Variants in NCOA1 observed in about 807,000 individuals in gnomAD.
NCOA1 encodes the protein nuclear receptor coactivator 1, also known as Hin-2 protein.
In NCOA1, 35 loss-of-function variants were observed where a neutral mutation model predicts 150.9. The ratio of observed to expected loss-of-function variants is 0.23; its 90% CI spans 0.18 to 0.31. The LOEUF is 0.31. Ranked by LOEUF, NCOA1 falls within the 10% of genes least tolerant of loss-of-function variation. NCOA1 has a pLI of 1.00. For synonymous variants in NCOA1, 590 were observed against 630.0 expected, an observed-to-expected ratio of 0.94 and a Z score of 0.95; for missense variants, 1,491 against 1,749.3, an observed-to-expected ratio of 0.85 and a Z score of 2.63.
chr2:24,521,257 G>A (rs80100717), intron 1 of NCOA1, among the ~76,000 whole-genome samples: 3,335 of 152,246 alleles, frequency 0.022, 58 homozygotes, highest in East Asian at 0.11. Context: ...TTTTTGTGGT[G>A]AGAATTGTCT....
At chr2:24,596,594 T>G (rs1389288980) in intron 3 of NCOA1, among the ~76,000 whole-genome samples, 3 of 152,190 alleles carry the variant, frequency 2.0e-5, no homozygotes, top group African/African-American at 4.8e-5. Context: ...TGTTTTAATT[T>G]AGAGGTTATG....
intron 6 of NCOA1, among the ~76,000 whole-genome samples, chr2:24,667,334 A>G (rs1390318521): frequency 2.6e-5 from 4 of 152,088 alleles, no homozygotes; most frequent in South Asian, 2.1e-4. Context: ...CAGTCGGAAG[A>G]TGAAGTCATG....
intron 3 of NCOA1, among the ~76,000 whole-genome samples, chr2:24,643,721 A>G (rs868843019): frequency 6.6e-6 from 1 of 152,210 alleles, no homozygotes; most frequent in South Asian, 2.1e-4. Flanking sequence ...AGAAGTTTAC[A>G]GATAGATGCA....
At chr2:24,732,917 GAAAA>G (rs903600740) in intron 17 of NCOA1, among the ~76,000 whole-genome samples, 1 of 144,182 alleles carries the variant, frequency 6.9e-6, no homozygotes, top group African/African-American at 2.6e-5. Flanking sequence ...GCCAAAAAAA[GAAAA>G]AAAGGAACAA....
chr2:24,524,433 A>G (rs1305965907), intron 1 of NCOA1, among the ~76,000 whole-genome samples: 2 of 152,040 alleles, frequency 1.3e-5, no homozygotes, highest in Admixed American at 6.6e-5. Flanking sequence ...AGCTGGGACT[A>G]CAGATGTGTA....
intron 9 of NCOA1, among the ~76,000 whole-genome samples, chr2:24,692,066 A>C (rs1672689971): frequency 6.6e-6 from 1 of 151,344 alleles, no homozygotes; most frequent in South Asian, 2.1e-4. Flanking sequence ...GGCATTTTTC[A>C]GGCTATACAA....
intron 3 of NCOA1, among the ~76,000 whole-genome samples, chr2:24,640,781 G>C (rs145218964): frequency 2.0e-5 from 3 of 152,172 alleles, no homozygotes; most frequent in Admixed American, 2.0e-4. Flanking sequence ...TATGTTTGCT[G>C]TTCGTGTAAT....
chr2:24,649,173 C>G (rs1000472496), intron 4 of NCOA1, among the ~76,000 whole-genome samples: 18 of 152,192 alleles, frequency 1.2e-4, no homozygotes, highest in Admixed American at 3.3e-4. Context: ...AAACAATTCT[C>G]CCACCTCAGA....
chr2:24,502,420 T>G (rs12328668), intron 1 of NCOA1, among the ~76,000 whole-genome samples: 4,955 of 152,310 alleles, frequency 0.033, 100 homozygotes, highest in African/African-American at 0.058. Flanking sequence ...AACAATTAAT[T>G]AATTGGTCAA....
intron 3 of NCOA1, among the ~76,000 whole-genome samples, chr2:24,616,519 G>T (rs1479704259): frequency 6.6e-6 from 1 of 152,142 alleles, no homozygotes; most frequent in African/African-American, 2.4e-5. Flanking sequence ...GAAGGAAGAT[G>T]ATGTTGTAAT....
At chr2:24,693,671 ATTTAT>A (rs1286555292) in intron 10 of NCOA1, among the ~76,000 whole-genome samples, 2 of 152,194 alleles carry the variant, frequency 1.3e-5, no homozygotes, top group Admixed American at 1.3e-4. Flanking sequence ...ATATACATAC[ATTTAT>A]TTAAATAGAT....
At chr2:24,529,209 G>C (rs901073327) in intron 1 of NCOA1, among the ~76,000 whole-genome samples, 1 of 152,152 alleles carries the variant, frequency 6.6e-6, no homozygotes, top group Non-Finnish European at 1.5e-5. Flanking sequence ...TGAATTGTTA[G>C]AACAAATCAT....
At chr2:24,760,605 T>A (rs1664743092) in intron 21 of NCOA1, among the ~76,000 whole-genome samples, 1 of 152,190 alleles carries the variant, frequency 6.6e-6, no homozygotes, top group Non-Finnish European at 1.5e-5. Flanking sequence ...GTTGCTCCAC[T>A]ACAGTGTTGC....
intron 3 of NCOA1, among the ~76,000 whole-genome samples, chr2:24,638,679 TATC>T (rs1450258900): frequency 6.6e-6 from 1 of 152,194 alleles, no homozygotes; most frequent in African/African-American, 2.4e-5. Context: ...TGATAATAGC[TATC>T]ATCCTAACTG....
intron 8 of NCOA1, among the ~76,000 whole-genome samples, chr2:24,690,355 C>A (rs1240406456): frequency 1.3e-5 from 2 of 151,778 alleles, no homozygotes; most frequent in Admixed American, 1.3e-4. Flanking sequence ...CGTTTGGGAA[C>A]AGTAAAAAAG....
At chr2:24,671,717 C>T (rs984117152) in intron 6 of NCOA1, among the ~76,000 whole-genome samples, 3 of 151,956 alleles carry the variant, frequency 2.0e-5, no homozygotes, top group African/African-American at 4.8e-5. Context: ...TGTGCCACCA[C>T]GCCCGGCTAA....
At chr2:24,590,877 A>G (rs542228858) in intron 3 of NCOA1, among the ~76,000 whole-genome samples, 1 of 152,148 alleles carries the variant, frequency 6.6e-6, no homozygotes, top group East Asian at 1.9e-4. Context: ...AACATACTGT[A>G]TTGTTTATTT....
Position 24,658,008 on chromosome 2 carries a change from AC to A in NCOA1, c.-17-651del, listed in dbSNP as rs1341994087. Reference sequence around the variant, plus strand: ...TGCTAACTGGTGCAACATGTGAGAGACCTGGCTGGTGTGCTAGGCGGAATGA... The same window carrying A: ...TGCTAACTGGTGCAACATGTGAGAGACTGGCTGGTGTGCTAGGCGGAATGA... On this transcript the variant is annotated intron_variant, in intron 4 of 22. Transcript: ENST00000348332. Among the ~76,000 whole-genome samples the A allele has an allele frequency of 5.9e-5, 9 of 152,240 alleles. No homozygotes were observed. The South Asian group carries it at 1.7e-3, about 28-fold the overall frequency.
intron 2 of NCOA1, among the ~76,000 whole-genome samples, chr2:24,582,883 G>T (rs1474614531): frequency 6.6e-6 from 1 of 152,094 alleles, no homozygotes; most frequent in Non-Finnish European, 1.5e-5. Flanking sequence ...AAATGGGGCT[G>T]GGAAAACTGG....
Sources: allele counts gnomAD v4.1 joint callset (sites outside exome capture counted in the v4.1 genomes callset), GRCh38; gene constraint gnomAD v4.1.1; transcripts MANE v1.5; gene names NCBI Gene and HGNC (gene_info 2026-07-23, HGNC 2026-07-21).